CHD9: variants seen among roughly 807,000 people sequenced by gnomAD.
CHD9 encodes ATP-dependent chromatin remodeler CHD9.
CHD9 carries 77 observed loss-of-function variants against 316.1 expected under a neutral mutation model. The ratio of observed to expected loss-of-function variants is 0.24; its 90% CI spans 0.20 to 0.29. CHD9 has a LOEUF of 0.29. Ranked by LOEUF, CHD9 falls within the 10% of genes least tolerant of loss-of-function variation. The pLI, the probability that CHD9 is intolerant of heterozygous loss-of-function variation, is 1.00. For missense variants in CHD9, 2,763 were observed against 3,438.1 expected (o/e 0.80, Z 4.91); for synonymous variants, 1,129 against 1,158.3 (o/e 0.97, Z 0.51).
intron 1 of CHD9, among the ~76,000 whole-genome samples, chr16:53,152,805 T>A (rs2041225763): frequency 1.3e-5 from 2 of 152,156 alleles, no homozygotes; most frequent in South Asian, 4.1e-4. Flanking sequence ...AGTTAGGGAA[T>A]TGCCAATATA....
Position 53,245,548 on chromosome 16 carries a change from T to C in CHD9, c.3199-47T>C. 4 of 1,535,716 alleles carry C rather than the reference T, an allele frequency of 2.6e-6. No individual in the cohort carries two copies. Among genetic ancestry groups the C allele is most frequent in the Non-Finnish European group, 3.5e-6 (4 of 1,145,754 alleles). On this transcript the variant is annotated intron_variant, in intron 14 of 38. Coordinates refer to ENST00000447540, the MANE Select transcript of CHD9 (RefSeq NM_001308319.2). The surrounding 1 kb of genome is among the most constrained non-coding windows in gnomAD (Gnocchi z 4.1). ...CATTGTAATTATTTTGTATGTGTAATTAAATGCTCACTTATGTTATATGTC... is the reference window on the plus strand; with the variant it reads ...CATTGTAATTATTTTGTATGTGTAACTAAATGCTCACTTATGTTATATGTC...
chr16:53,063,893 G>A (rs1428401641), intron 1 of CHD9, among the ~76,000 whole-genome samples: 2 of 148,020 alleles, frequency 1.4e-5, no homozygotes, highest in South Asian at 4.3e-4. Context: ...GGAGTCCAGT[G>A]TTGTGATCAT....
chr16:53,204,429 G>A (rs971604908), intron 2 of CHD9, among the ~76,000 whole-genome samples: 4 of 152,020 alleles, frequency 2.6e-5, no homozygotes, highest in Admixed American at 1.3e-4. Flanking sequence ...AAATCTCTTC[G>A]CTTCTTTTCC....
intron 26 of CHD9, among the ~76,000 whole-genome samples, chr16:53,286,630 G>T (rs1219892389): frequency 6.6e-6 from 1 of 152,046 alleles, no homozygotes; most frequent in African/African-American, 2.4e-5. Flanking sequence ...AGGGGCATAG[G>T]GGGAGAAAAA....
chr16:53,265,591 A>T (rs2051581530), intron 20 of CHD9, among the ~76,000 whole-genome samples: 1 of 152,198 alleles, frequency 6.6e-6, no homozygotes, highest in South Asian at 2.1e-4. Flanking sequence ...AGGATATTGG[A>T]TTAGCATTTG....
chr16:53,225,470 G>A (rs1597509162), intron 4 of CHD9, among the ~76,000 whole-genome samples: 1 of 152,120 alleles, frequency 6.6e-6, no homozygotes, highest in East Asian at 1.9e-4. Flanking sequence ...CAAAAGAGAT[G>A]TAACTTTGTT....
chr16:53,247,211 C>T (rs1382970461), intron 15 of CHD9, 82 bp from the exon 16 acceptor site: 4 of 909,228 alleles, frequency 4.4e-6, no homozygotes, highest in Non-Finnish European at 6.9e-6. Context: ...CACACAGGAG[C>T]ACTAATTGTG....
At chr16:53,308,432 A>G (rs1462734069) in intron 33 of CHD9, among the ~76,000 whole-genome samples, 2 of 152,226 alleles carry the variant, frequency 1.3e-5, no homozygotes, top group Admixed American at 6.5e-5. Flanking sequence ...ACAGTGTACT[A>G]GTAACATCTT....
At chr16:53,171,388 C>T (rs932231412) in intron 2 of CHD9, among the ~76,000 whole-genome samples, 22 of 152,238 alleles carry the variant, frequency 1.4e-4, no homozygotes, top group African/African-American at 4.3e-4. Context: ...CACTGCACTC[C>T]AGCCTGGGCA....
At chr16:53,123,234 G>T (rs902810711) in intron 1 of CHD9, among the ~76,000 whole-genome samples, 38 of 150,526 alleles carry the variant, frequency 2.5e-4, no homozygotes, top group African/African-American at 8.6e-4. Flanking sequence ...TTATACTTCA[G>T]TGGTTTCTAG....
chr16:53,211,097 G>T (rs1462696052), intron 3 of CHD9, among the ~76,000 whole-genome samples: 1 of 151,892 alleles, frequency 6.6e-6, no homozygotes, highest in African/African-American at 2.4e-5. Context: ...GTTTTAACTT[G>T]TTCAGAGATC....
chr16:53,272,164 G>A (rs937526880), intron 22 of CHD9, among the ~76,000 whole-genome samples: 3 of 151,564 alleles, frequency 2.0e-5, no homozygotes, highest in Admixed American at 1.3e-4. Context: ...TACACCATGC[G>A]ACTACTAAAC....
chr16:53,250,155 T>A (rs1427445525), intron 17 of CHD9, 89 bp downstream of exon 17: 1 of 828,786 alleles, frequency 1.2e-6, no homozygotes, highest in Non-Finnish European at 1.9e-6. Flanking sequence ...TTTATTTTTA[T>A]CTGGACAAAC....
At chr16:53,264,730 G>A (rs933872834) in intron 20 of CHD9, among the ~76,000 whole-genome samples, 11 of 152,126 alleles carry the variant, frequency 7.2e-5, no homozygotes, top group Non-Finnish European at 1.5e-4. Flanking sequence ...TTATCTGCAC[G>A]GAGACTTGAA....
intron 1 of CHD9, among the ~76,000 whole-genome samples, chr16:53,135,280 A>G (rs1268459326): frequency 1.3e-5 from 2 of 152,208 alleles, no homozygotes; most frequent in Non-Finnish European, 2.9e-5. Flanking sequence ...AAAGACTTAC[A>G]GGTTTTACTA....
At position 53,250,721 on chromosome 16, in the gene CHD9, GTC is replaced by G. The variant is rs923749519; in HGVS notation, c.3861+657_3861+658del. The G allele has an allele frequency of 5.9e-5, 9 of 152,168 alleles. 1 individual carries two copies. The highest frequency in any genetic ancestry group is 2.6e-4 in the Admixed American group (4 of 15,282). 9.4% of individuals were successfully genotyped at this position (152,168 alleles called of 1,614,324 possible). On this transcript the variant is annotated intron_variant, in intron 17 of 38. Coordinates refer to ENST00000447540, the MANE Select transcript of CHD9 (RefSeq NM_001308319.2). Reference sequence around the variant, plus strand: ...ATATTAATTACAGTGATCAAAGAGAGTCTAAATTTGCAGAAGGATATGAGAAG... The same window carrying G: ...ATATTAATTACAGTGATCAAAGAGAGTAAATTTGCAGAAGGATATGAGAAG...
chr16:53,129,923 T>A (rs1469736891), intron 1 of CHD9, among the ~76,000 whole-genome samples: 1 of 152,190 alleles, frequency 6.6e-6, no homozygotes, highest in Non-Finnish European at 1.5e-5. Context: ...ACGCTAGGAT[T>A]TGATGTAGGT....
chr16:53,140,030 C>G (rs950293184), intron 1 of CHD9, among the ~76,000 whole-genome samples: 1 of 151,580 alleles, frequency 6.6e-6, no homozygotes, highest in African/African-American at 2.4e-5. Flanking sequence ...GCCCAGGAGG[C>G]AGAGGTTGCA....
intron 1 of CHD9, among the ~76,000 whole-genome samples, chr16:53,071,013 T>C (rs554271916): frequency 6.6e-6 from 1 of 152,180 alleles, no homozygotes; most frequent in Non-Finnish European, 1.5e-5. Flanking sequence ...TAGGGTGGAT[T>C]TTTCTATTTC....
Sources: allele counts gnomAD v4.1 joint callset (sites outside exome capture counted in the v4.1 genomes callset), GRCh38; gene constraint gnomAD v4.1.1; non-coding constraint Gnocchi (gnomAD v3.1); transcripts MANE v1.5; gene names NCBI Gene and HGNC (gene_info 2026-07-23, HGNC 2026-07-21).